The following DCAF4 variants were observed in gnomAD, a reference collection of about 807,000 sequenced individuals.
DCAF4 encodes DDB1 and CUL4 associated factor 4.
In DCAF4, 37 loss-of-function variants were observed where a neutral mutation model predicts 60.9. The observed-to-expected ratio is 0.61, with a 90% CI of 0.47 to 0.80. The LOEUF is 0.80. Among genes scored for constraint, DCAF4 ranks in the 30% least tolerant of loss-of-function variants. The pLI is 0.00. For missense variants in DCAF4, 577 were observed against 650.0 expected (o/e 0.89, Z 1.22); for synonymous variants, 243 against 254.8 (o/e 0.95, Z 0.44).
intron 1 of DCAF4, chr14:72,929,830 C>T (rs901616105): frequency 1.5e-6 from 2 of 1,339,732 alleles, no homozygotes; most frequent in African/African-American, 1.4e-5. Flanking sequence ...GGTGCGTTTG[C>T]TCAGACGCCC....
At chr14:72,932,605 A>C (rs943879727) in intron 1 of DCAF4, among the ~76,000 whole-genome samples, 1 of 152,242 alleles carries the variant, frequency 6.6e-6, no homozygotes, top group African/African-American at 2.4e-5. Flanking sequence ...ACCTTCTGCA[A>C]CACACCTGAT....
chr14:72,944,829 C>T (rs978839932), intron 6 of DCAF4, among the ~76,000 whole-genome samples: 2 of 152,072 alleles, frequency 1.3e-5, no homozygotes, highest in Non-Finnish European at 2.9e-5. Flanking sequence ...TGGCTCACAC[C>T]TGTAATCCCA....
chr14:72,941,959 G>T, intron 5 of DCAF4, 135 bp downstream of exon 5: 2 of 862,818 alleles, frequency 2.3e-6, no homozygotes, highest in Non-Finnish European at 3.6e-6. Context: ...AGGGGCTCCA[G>T]TTCACACCCT....
Position 72,959,163 on chromosome 14 carries a change from A to C in DCAF4, c.*358A>C. ...TTCTTCCTCCAAGAGCCCATTGAAG[A>C]AGCCCAGTGATGAGACGGTGAGATG... On this transcript the variant is annotated 3_prime_UTR_variant, in exon 14 of 14. Transcript: ENST00000358377. 2 of 1,003,314 alleles carry C rather than the reference A, an allele frequency of 2.0e-6. No homozygotes were observed. Among genetic ancestry groups the C allele is most frequent in the East Asian group, 1.0e-4 (1 of 9,540 alleles). The allele number at this position is 1,003,314 out of a possible 1,614,324, so 62.2% of individuals were successfully genotyped here.
chr14:72,950,449 C>T (rs1055416583), intron 8 of DCAF4, among the ~76,000 whole-genome samples: 1 of 152,070 alleles, frequency 6.6e-6, no homozygotes, highest in Admixed American at 6.6e-5. Context: ...GATTTAGAAA[C>T]CAGAGGCTCA....
chr14:72,928,468 T>A (rs1371286733), intron 1 of DCAF4, among the ~76,000 whole-genome samples: 1 of 151,718 alleles, frequency 6.6e-6, no homozygotes, highest in Non-Finnish European at 1.5e-5. Flanking sequence ...GTGCTGGGAT[T>A]ACAGGCATGA....
Position 72,939,922 on chromosome 14 carries a change from G to A in DCAF4, c.193+20G>A. 1 of 1,579,540 alleles carries A rather than the reference G, an allele frequency of 6.3e-7. No individual in the cohort carries two copies. The highest frequency in any genetic ancestry group is 8.6e-7 in the Non-Finnish European group (1 of 1,162,370). ...TGCCAGGTAAGGCCACTTGCGGGGTGGGAATCCTGGCCCTTGCACACAGGG... is the reference window on the plus strand; with the variant it reads ...TGCCAGGTAAGGCCACTTGCGGGGTAGGAATCCTGGCCCTTGCACACAGGG... On this transcript the variant is annotated intron_variant, in intron 3 of 13. Transcript: ENST00000358377.
Position 72,959,610 on chromosome 14 carries a change from C to T in DCAF4, c.*805C>T. On this transcript the variant is annotated 3_prime_UTR_variant, in exon 14 of 14. Transcript: ENST00000358377. ...GAGATGTTTATTCAGTGTTAAAGAGCCTGTTTTTCTACCAAACAATAAAAC... is the reference window on the plus strand; with the variant it reads ...GAGATGTTTATTCAGTGTTAAAGAGTCTGTTTTTCTACCAAACAATAAAAC... 1 of 985,396 alleles carries T rather than the reference C, an allele frequency of 1.0e-6. No individual in the cohort carries two copies. The highest frequency in any genetic ancestry group is 1.2e-6 in the Non-Finnish European group (1 of 829,920). 61.0% of individuals were successfully genotyped at this position (985,396 alleles called of 1,614,324 possible).
At chr14:72,961,492 T>TG (rs1271272816), downstream of DCAF4, among the ~76,000 whole-genome samples, 1 of 152,214 alleles carries the variant, frequency 6.6e-6, no homozygotes, top group Admixed American at 6.5e-5. Context: ...TCTCATCCAT[T>TG]TTTTCCACAT....
chr14:72,937,836 G>A (rs1478294791), intron 1 of DCAF4, 135 bp from the exon 2 acceptor site: 7 of 1,346,776 alleles, frequency 5.2e-6, no homozygotes, highest in Admixed American at 3.3e-5. Flanking sequence ...AAGGCTTGCT[G>A]TGGCAAATCT....
intron 1 of DCAF4, among the ~76,000 whole-genome samples, chr14:72,932,380 A>G (rs1307068633): frequency 1.3e-5 from 2 of 152,224 alleles, no homozygotes; most frequent in African/African-American, 4.8e-5. Context: ...AATGTAGTAA[A>G]TATCTTGGAA....
chr14:72,932,946 G>A lies in DCAF4; in HGVS notation c.-8-5025G>A, dbSNP rs143175478. 4.9e-3 allele frequency among the ~76,000 whole-genome samples: 744 copies of A among 151,570 alleles called. 9 individuals carry two copies. The highest frequency in any genetic ancestry group is 0.017 in the African/African-American group (694 of 41,246). On this transcript the variant is annotated intron_variant, in intron 1 of 13. Transcript: ENST00000358377. ...TTGAGACGGGATCTTGCTATGTTGC[G>A]CAGGCTGGTCTTGAACTCCTAGGCT...
chr14:72,930,403 G>C (rs1387322437), intron 1 of DCAF4, among the ~76,000 whole-genome samples: 1 of 152,046 alleles, frequency 6.6e-6, no homozygotes, highest in Non-Finnish European at 1.5e-5. Context: ...CAAATAGCTG[G>C]GACCACAGGC....
intron 9 of DCAF4, among the ~76,000 whole-genome samples, chr14:72,953,711 A>AT (rs1891749383): frequency 7.4e-5 from 1 of 13,520 alleles, no homozygotes; most frequent in Non-Finnish European, 1.3e-4. Context: ...CCCTGTCTTA[A>AT]AAAAAAAAAA....
intron 6 of DCAF4, 90 bp from the exon 7 acceptor site, chr14:72,945,794 A>T: frequency 6.5e-7 from 1 of 1,541,862 alleles, no homozygotes; most frequent in South Asian, 1.2e-5. Flanking sequence ...TGCACAGAGC[A>T]TGGGGGCCAG....
rs2535908 is a variant in DCAF4, at chr14:72,958,724, G to C, written c.1407G>C (p.Ser469=). 1.3e-3 allele frequency: 2,051 copies of C among 1,613,744 alleles called. 6 individuals carry two copies. Among genetic ancestry groups the C allele is most frequent in the Non-Finnish European group, 1.6e-3 (1,933 of 1,179,838 alleles). Reference sequence around the variant, plus strand: ...CCGACATTCCCAGTGTGGCCTTCTCGTCGCGGCTGGGGGGCTCCCGGGGCG... The same window carrying C: ...CCGACATTCCCAGTGTGGCCTTCTCCTCGCGGCTGGGGGGCTCCCGGGGCG... ...SKADIPSVAF[S]SRLGGSRGAP... The change falls in exon 14 of 14, where the codon TCG becomes TCC. Residue 469 remains serine, a synonymous_variant. Coordinates refer to ENST00000358377, the MANE Select transcript of DCAF4 (RefSeq NM_015604.4).
At chr14:72,945,847 C>G (rs774117802) in intron 6 of DCAF4, 37 bp from the exon 7 acceptor site, 4 of 1,613,310 alleles carry the variant, frequency 2.5e-6, no homozygotes, top group Non-Finnish European at 3.4e-6. Context: ...CCAGGCGCAG[C>G]CTGGGACGTC....
At chr14:72,950,908 A>G (rs1414063161) in intron 8 of DCAF4, among the ~76,000 whole-genome samples, 1 of 152,134 alleles carries the variant, frequency 6.6e-6, no homozygotes, top group Non-Finnish European at 1.5e-5. Flanking sequence ...ATTTGAGAAG[A>G]GCAGTTCTCT....
At position 72,958,618 on chromosome 14, in the gene DCAF4, A is replaced by G. The variant is rs780141676; in HGVS notation, c.1301A>G (p.Gln434Arg). 4.4e-5 allele frequency: 71 copies of G among 1,614,088 alleles called. 2 individuals are homozygous for G. In the South Asian group the frequency reaches 7.8e-4, roughly 18 times the overall value. The change falls in exon 14 of 14, where the codon CAG becomes CGG. Residue 434 changes from glutamine (Q) to arginine (R), a missense_variant. Transcript: ENST00000358377. ...TGTCTCTCCTCTTTCCTAGTGGGCC[A>G]GGACTGCTACACGAGAATCTGGAGC... ...EEEGILVAVG[Q>R]DCYTRIWSLH...
Sources: allele counts gnomAD v4.1 joint callset (sites outside exome capture counted in the v4.1 genomes callset), GRCh38; gene constraint gnomAD v4.1.1; transcripts MANE v1.5; gene names NCBI Gene and HGNC (gene_info 2026-07-23, HGNC 2026-07-21).